The following MAP7 variants were observed in gnomAD, a reference collection of about 807,000 sequenced individuals.
The protein encoded by MAP7 is microtubule associated protein 7.
MAP7 carries 52 observed loss-of-function variants against 94.8 expected under a neutral mutation model. That is an observed-to-expected ratio of 0.55 (90% CI 0.44 to 0.69). The LOEUF (loss-of-function observed/expected upper bound fraction) is 0.69. MAP7 is among the 30% of genes least tolerant of loss of function. The pLI is 0.00. For synonymous variants in MAP7, 350 were observed against 357.0 expected (o/e 0.98, Z 0.22); for missense variants, 940 against 964.6 (o/e 0.97, Z 0.34).
intron 1 of MAP7, among the ~76,000 whole-genome samples, chr6:136,520,970 G>A (rs950800796): frequency 6.6e-6 from 1 of 152,190 alleles, no homozygotes; most frequent in Admixed American, 6.5e-5. Flanking sequence ...CCTTAGGTCA[G>A]GGGTCACAAA....
intron 3 of MAP7, among the ~76,000 whole-genome samples, chr6:136,396,919 GTTC>G (rs1334787736): frequency 6.6e-6 from 1 of 152,160 alleles, no homozygotes; most frequent in African/African-American, 2.4e-5. Context: ...ATTAAAGGTA[GTTC>G]TTAAGGTTGT....
chr6:136,491,907 G>A (rs1816726509), intron 1 of MAP7, among the ~76,000 whole-genome samples: 1 of 152,168 alleles, frequency 6.6e-6, no homozygotes, highest in South Asian at 2.1e-4. Context: ...TAGTCACCCA[G>A]AGCTACTCCA....
chr6:136,472,443 T>C (rs539292573), intron 1 of MAP7, among the ~76,000 whole-genome samples: 1 of 152,306 alleles, frequency 6.6e-6, no homozygotes, highest in South Asian at 2.1e-4. Context: ...ACCTATGTTA[T>C]CATAGGGAAC....
At chr6:136,508,013 C>T (rs964171357) in intron 1 of MAP7, among the ~76,000 whole-genome samples, 4 of 152,124 alleles carry the variant, frequency 2.6e-5, no homozygotes, top group Non-Finnish European at 5.9e-5. Flanking sequence ...ACCTAACTTG[C>T]CCAATTTGCC....
At chr6:136,360,565 ATTG>A (rs1792307987) in intron 13 of MAP7, 129 bp downstream of exon 13, 1 of 723,924 alleles carries the variant, frequency 1.4e-6, no homozygotes, top group African/African-American at 1.8e-5. Flanking sequence ...TTTGCAGGAG[ATTG>A]TTATCACTGA....
chr6:136,454,272 G>GATCGATCTATCTATCT (rs1554258958), intron 1 of MAP7, among the ~76,000 whole-genome samples: 2 of 141,350 alleles, frequency 1.4e-5, no homozygotes, highest in Admixed American at 7.0e-5. Flanking sequence ...CTACCTAAAT[G>GATCGATCTATCTATCT]ATCTATCTAT....
At chr6:136,476,767 A>G (rs1811059391) in intron 1 of MAP7, among the ~76,000 whole-genome samples, 1 of 151,904 alleles carries the variant, frequency 6.6e-6, no homozygotes, top group Non-Finnish European at 1.5e-5. Context: ...ATGTGTATGT[A>G]TACATGTGTG....
intron 1 of MAP7, among the ~76,000 whole-genome samples, chr6:136,528,157 T>C (rs562689929): frequency 3.7e-4 from 56 of 152,344 alleles, no homozygotes; most frequent in Middle Eastern, 3.4e-3. Context: ...ATCTTCCTCC[T>C]AGTCCAGTGC....
intron 1 of MAP7, among the ~76,000 whole-genome samples, chr6:136,424,750 C>T (rs1409507989): frequency 6.6e-6 from 1 of 152,218 alleles, no homozygotes; most frequent in African/African-American, 2.4e-5. Context: ...AATAACTGGT[C>T]CAACAAATGA....
chr6:136,505,277 GTATATATATATATATATATATATATA>G (rs56764706), intron 1 of MAP7, among the ~76,000 whole-genome samples: 3 of 53,810 alleles, frequency 5.6e-5, no homozygotes, highest in African/African-American at 8.1e-5. Context: ...GTGTGTGTGT[GTATATATATATATATATATATATATA>G]TATATATATA....
At chr6:136,431,439 G>A (rs1794855145) in intron 1 of MAP7, among the ~76,000 whole-genome samples, 1 of 151,922 alleles carries the variant, frequency 6.6e-6, no homozygotes, top group Non-Finnish European at 1.5e-5. Flanking sequence ...TAGGGAAGGG[G>A]CTATATCATT....
At chr6:136,518,187 A>T (rs968123056) in intron 1 of MAP7, among the ~76,000 whole-genome samples, 3 of 152,150 alleles carry the variant, frequency 2.0e-5, no homozygotes, top group Non-Finnish European at 4.4e-5. Context: ...TAGGCCTGCA[A>T]CTTTAATTTA....
At chr6:136,440,944 G>A (rs1229876680) in intron 1 of MAP7, among the ~76,000 whole-genome samples, 7 of 151,876 alleles carry the variant, frequency 4.6e-5, no homozygotes, top group Non-Finnish European at 8.8e-5. Flanking sequence ...AAGATCATGC[G>A]GCACCTCTCT....
At chr6:136,375,385 A>C (rs1775793863) in intron 7 of MAP7, among the ~76,000 whole-genome samples, 1 of 152,228 alleles carries the variant, frequency 6.6e-6, no homozygotes, top group Admixed American at 6.5e-5. Flanking sequence ...TTGTTTGTGC[A>C]GGGAGTTTGC....
intron 1 of MAP7, among the ~76,000 whole-genome samples, chr6:136,468,751 AT>A (rs780497152): frequency 4.3e-4 from 66 of 152,316 alleles, no homozygotes; most frequent in Non-Finnish European, 8.5e-4. Context: ...CTTTCACACC[AT>A]CATAAAGCTG....
At chr6:136,478,906 GA>G (rs1811802793) in intron 1 of MAP7, among the ~76,000 whole-genome samples, 2 of 117,360 alleles carry the variant, frequency 1.7e-5, no homozygotes. Flanking sequence ...ATTTTTTCCA[GA>G]AAAAAAAGTG....
At chr6:136,404,370 C>A (rs1260510211) in intron 3 of MAP7, among the ~76,000 whole-genome samples, 2 of 146,280 alleles carry the variant, frequency 1.4e-5, no homozygotes. Flanking sequence ...GATTAGAAGG[C>A]AAAGGAAGCC....
At chr6:136,398,435 T>A (rs1352616382) in intron 3 of MAP7, among the ~76,000 whole-genome samples, 1 of 152,244 alleles carries the variant, frequency 6.6e-6, no homozygotes, top group Non-Finnish European at 1.5e-5. Flanking sequence ...ATTCCTGTCC[T>A]ATTGCCACGT....
At chr6:136,355,891 G>T (rs931989603) in intron 16 of MAP7, among the ~76,000 whole-genome samples, 1 of 152,152 alleles carries the variant, frequency 6.6e-6, no homozygotes, top group Non-Finnish European at 1.5e-5. Context: ...ATATGATGCT[G>T]TTGATATAAT....
Sources: allele counts gnomAD v4.1 joint callset (sites outside exome capture counted in the v4.1 genomes callset), GRCh38; gene constraint gnomAD v4.1.1; transcripts MANE v1.5; gene names NCBI Gene and HGNC (gene_info 2026-07-23, HGNC 2026-07-21).